The following TBC1D9 variants were observed in gnomAD, a reference collection of about 807,000 sequenced individuals.
TBC1D9 encodes the protein TBC1 domain family member 9A.
Under a neutral mutation model 132.0 loss-of-function variants are expected in TBC1D9, and 63 were observed. The ratio of observed to expected loss-of-function variants is 0.48; its 90% confidence interval spans 0.39 to 0.59. TBC1D9 has a LOEUF of 0.59. Ranked by LOEUF, TBC1D9 falls within the 20% of genes least tolerant of loss-of-function variation. The pLI, the probability that TBC1D9 is intolerant of heterozygous loss-of-function variation, is 0.00. For synonymous variants in TBC1D9, 610 were observed against 609.9 expected (o/e 1.00, Z 0.00); for missense variants, 1,261 against 1,592.7 (o/e 0.79, Z 3.54).
intron 1 of TBC1D9, among the ~76,000 whole-genome samples, chr4:140,714,988 G>T (rs1720395793): frequency 6.6e-6 from 1 of 152,116 alleles, no homozygotes. Context: ...CAGGTGTGGC[G>T]TTGTGCACCT....
rs72718388 is a variant in TBC1D9 at position 140,680,603 on chromosome 4, C to A, written c.361-760G>T. Among the ~76,000 whole-genome samples the A allele has an allele frequency of 7.8e-4, 118 of 152,252 alleles. No individual in the cohort carries two copies. The East Asian group carries it at 0.016, about 20-fold the overall frequency. On this transcript the variant is annotated intron_variant, in intron 3 of 20. Transcript: ENST00000442267. Reference sequence around the variant, plus strand: ...GACTTTGTAATCCTCAAATCCCTCCCGCCTCATCTTCATTTTCTCTGATCT... The same window carrying A: ...GACTTTGTAATCCTCAAATCCCTCCAGCCTCATCTTCATTTTCTCTGATCT...
intron 16 of TBC1D9, among the ~76,000 whole-genome samples, chr4:140,631,065 C>T (rs1261079829): frequency 2.0e-5 from 3 of 152,182 alleles, no homozygotes; most frequent in Non-Finnish European, 4.4e-5. Context: ...ACACAATCAC[C>T]AATTTCCATA....
At chr4:140,722,581 G>C (rs928884914) in intron 1 of TBC1D9, among the ~76,000 whole-genome samples, 1 of 152,108 alleles carries the variant, frequency 6.6e-6, no homozygotes, top group Non-Finnish European at 1.5e-5. Context: ...TGGGATGAGT[G>C]GGGAGAAGCT....
At position 140,744,798 on chromosome 4, in the gene TBC1D9, G is replaced by T. The variant is rs111750403; in HGVS notation, c.130+11118C>A. Among the ~76,000 whole-genome samples, 10 of 149,544 alleles carry T rather than the reference G, an allele frequency of 6.7e-5. 1 individual carries two copies. The South Asian group carries it at 2.1e-3, about 32-fold the overall frequency. ...CTTCAAAGGCTGAGACAGGAGAATC[G>T]CTTGAACCTGGGAGATAGAGATTGC... On this transcript the variant is annotated intron_variant, in intron 1 of 20. Coordinates refer to ENST00000442267, the MANE Select transcript of TBC1D9 (RefSeq NM_015130.3).
rs1331605695 is a variant in TBC1D9, at chr4:140,756,088, C to T, written c.-43G>A. The T allele has an allele frequency of 1.3e-6, 2 of 1,572,056 alleles. No homozygotes were observed. The highest frequency in any genetic ancestry group is 1.4e-5 in the African/African-American group (1 of 72,340). On this transcript the variant is annotated 5_prime_UTR_variant, in exon 1 of 21. Transcript: ENST00000442267. The surrounding 1 kb of genome is among the most constrained non-coding windows in gnomAD (Gnocchi z 5.6). ...GCGGGCGCACAATGGGCCCGTGGGT[C>T]CAGTCCTGCACCCACCACCGCGACA...
Position 140,736,175 on chromosome 4 carries a change from G to A in TBC1D9, c.130+19741C>T, listed in dbSNP as rs900625059. Reference sequence around the variant, plus strand: ...TTGGGTTTTATTAGGGAGAGAGTGAGGGGGAAGGAGAGAGTGAGGGGGAAG... The same window carrying A: ...TTGGGTTTTATTAGGGAGAGAGTGAAGGGGAAGGAGAGAGTGAGGGGGAAG... On this transcript the variant is annotated intron_variant, in intron 1 of 20. Coordinates refer to ENST00000442267, the MANE Select transcript of TBC1D9 (RefSeq NM_015130.3). Among the ~76,000 whole-genome samples the A allele has an allele frequency of 2.0e-5, 3 of 151,976 alleles. No individual in the cohort carries two copies. The South Asian group carries it at 6.2e-4, about 32-fold the overall frequency.
intron 1 of TBC1D9, among the ~76,000 whole-genome samples, chr4:140,735,066 G>T (rs867952604): frequency 2.0e-5 from 3 of 152,150 alleles, no homozygotes; most frequent in Admixed American, 6.5e-5. Flanking sequence ...TACAATGAAA[G>T]ATTAAATATA....
chr4:140,657,741 G>T lies in TBC1D9; in HGVS notation c.1993C>A (p.Gln665Lys). The part of the protein sequence containing the change: ...DYVPQLYDCM[Q>K]DLGVISTISL... ...ATGGTGGAAATCACGCCCAGGTCTTGCATGCAGTCGTACAGCTGTGGGACG... is the reference window on the plus strand; with the variant it reads ...ATGGTGGAAATCACGCCCAGGTCTTTCATGCAGTCGTACAGCTGTGGGACG... Residue 665 changes from glutamine to lysine, a missense_variant, in exon 12 of 21, where the codon CAA becomes AAA. Coordinates refer to ENST00000442267, the MANE Select transcript of TBC1D9 (RefSeq NM_015130.3). 17 of 1,614,034 alleles carry T rather than the reference G, an allele frequency of 1.1e-5. No individual in the cohort carries two copies. The highest frequency in any genetic ancestry group is 1.4e-5 in the Non-Finnish European group (16 of 1,179,904).
At chr4:140,676,849 T>C in intron 6 of TBC1D9, 45 bp downstream of exon 6, 1 of 1,603,314 alleles carries the variant, frequency 6.2e-7, no homozygotes, top group Non-Finnish European at 8.5e-7. Flanking sequence ...CCCAGAAAAG[T>C]ATTACAAATG....
intron 1 of TBC1D9, among the ~76,000 whole-genome samples, chr4:140,707,255 G>C (rs556173371): frequency 6.6e-6 from 1 of 151,912 alleles, no homozygotes; most frequent in Admixed American, 6.6e-5. Flanking sequence ...TTTTTTGTGA[G>C]TTATTTGCCT....
chr4:140,667,959 T>C (rs6828098), intron 9 of TBC1D9, among the ~76,000 whole-genome samples: 8,346 of 152,230 alleles, frequency 0.055, 758 homozygotes, highest in African/African-American at 0.19. Flanking sequence ...AATTTTAGTA[T>C]CACTTTTTAA....
chr4:140,665,855 AT>A (rs1220586402), intron 9 of TBC1D9, among the ~76,000 whole-genome samples: 3 of 151,072 alleles, frequency 2.0e-5, no homozygotes, highest in Non-Finnish European at 3.0e-5. Flanking sequence ...TAAAAAAAAA[AT>A]TTTTTTTTGT....
chr4:140,701,408 G>C (rs1401208482), intron 2 of TBC1D9, 96 bp downstream of exon 2: 2 of 853,786 alleles, frequency 2.3e-6, no homozygotes, highest in Non-Finnish European at 3.8e-6. Flanking sequence ...ACCAGTGATT[G>C]CATTCAGCAA....
At chr4:140,629,664 T>A (rs1736761452) in intron 16 of TBC1D9, among the ~76,000 whole-genome samples, 1 of 152,174 alleles carries the variant, frequency 6.6e-6, no homozygotes, top group Admixed American at 6.5e-5. Context: ...TCAATCAATA[T>A]CCCTCTGGAA....
chr4:140,648,385 GTTTTTTTTT>G (rs1243797618), intron 13 of TBC1D9, among the ~76,000 whole-genome samples: 1 of 121,870 alleles, frequency 8.2e-6, no homozygotes, highest in African/African-American at 3.0e-5. Flanking sequence ...TTTTGTTGTT[GTTTTTTTTT>G]TTTTTTTTTG....
Position 140,622,174 on chromosome 4 carries a change from T to G in TBC1D9, c.*21A>C, listed in dbSNP as rs1426881808. 6.5e-7 allele frequency: 1 copy of G among 1,541,982 alleles called. No individual in the cohort carries two copies. Among genetic ancestry groups the G allele is most frequent in the African/African-American group, 1.4e-5 (1 of 73,414 alleles). On this transcript the variant is annotated 3_prime_UTR_variant, in exon 21 of 21. Transcript: ENST00000442267. ...ATCCCTCCCCTCCCTCTCCTCCCAC[T>G]CCCCCGGGAAGGCGCCCGTGTCAGC... is the stretch of plus-strand genomic sequence containing the variant.
At chr4:140,690,543 G>A (rs567084635) in intron 2 of TBC1D9, among the ~76,000 whole-genome samples, 1 of 152,018 alleles carries the variant, frequency 6.6e-6, no homozygotes, top group Non-Finnish European at 1.5e-5. Context: ...ACATGAAAAG[G>A]CTGGCCTTTT....
chr4:140,668,335 CT>C (rs1301312073), intron 9 of TBC1D9, among the ~76,000 whole-genome samples: 1 of 152,170 alleles, frequency 6.6e-6, no homozygotes, highest in Non-Finnish European at 1.5e-5. Flanking sequence ...GAAGTGTCCC[CT>C]TCTGTCCTTC....
intron 12 of TBC1D9, 27 bp downstream of exon 12, chr4:140,657,499 GT>G: frequency 6.3e-7 from 1 of 1,582,458 alleles, no homozygotes; most frequent in Non-Finnish European, 8.6e-7. Flanking sequence ...ACCGGAGATG[GT>G]TTTCAAAGTT....
Sources: gnomAD v4.1 joint callset for allele counts (sites outside exome capture counted in the v4.1 genomes callset) on GRCh38, gnomAD v4.1.1 for gene constraint, Gnocchi (gnomAD v3.1) non-coding constraint, MANE v1.5 for transcripts, NCBI Gene and HGNC (gene_info 2026-07-23, HGNC 2026-07-21) for gene names.